Variants in ZNF609 observed in about 807,000 individuals in gnomAD.
The protein encoded by ZNF609 is zinc finger protein 609.
In ZNF609, 11 loss-of-function variants were observed where a neutral mutation model predicts 109.5. The observed-to-expected ratio is 0.10, with a 90% CI of 0.06 to 0.17. The LOEUF is 0.17. Ranked by LOEUF, ZNF609 falls within the 10% of genes least tolerant of loss-of-function variation. The pLI, the probability that ZNF609 is intolerant of heterozygous loss-of-function variation, is 1.00. For synonymous variants in ZNF609, 646 were observed against 662.0 expected (o/e 0.98, Z 0.37); for missense variants, 1,559 against 1,772.4 (o/e 0.88, Z 2.16).
At chr15:64,551,985 CAA>C (rs35698512) in intron 2 of ZNF609, among the ~76,000 whole-genome samples, 27 of 93,446 alleles carry the variant, frequency 2.9e-4, no homozygotes, top group African/African-American at 6.9e-4. Context: ...GACTCTGTCT[CAA>C]AAAAAAAAAA....
rs187192250 is a variant in ZNF609, at chr15:64,490,714, T to G, written c.-127-8579T>G. Reference sequence around the variant, plus strand: ...AATCTCTAAAGGGTCAGGACTGAATTATTTACATATTCAGGATACCATTTA... The same window carrying G: ...AATCTCTAAAGGGTCAGGACTGAATGATTTACATATTCAGGATACCATTTA... On this transcript the variant is annotated intron_variant, in intron 1 of 9. Transcript: ENST00000326648. Among the ~76,000 whole-genome samples the G allele has an allele frequency of 2.0e-3, 299 of 152,348 alleles. 5 individuals carry two copies. Among genetic ancestry groups the G allele is most frequent in the Admixed American group, 0.015 (236 of 15,302 alleles).
intron 8 of ZNF609, 52 bp downstream of exon 8, chr15:64,680,914 A>G (rs753368320): frequency 7.5e-6 from 12 of 1,589,432 alleles, no homozygotes; most frequent in African/African-American, 1.3e-5. Flanking sequence ...TGTTTTGTTT[A>G]TCTTCATCCC....
Position 64,675,531 on chromosome 15 carries a change from C to G in ZNF609, c.2677C>G (p.Gln893Glu). 6.2e-7 allele frequency: 1 copy of G among 1,614,112 alleles called. No homozygotes were observed. The highest frequency in any genetic ancestry group is 2.2e-5 in the East Asian group (1 of 44,888). The change falls in exon 5 of 10, where the codon CAA becomes GAA. Residue 893 changes from glutamine to glutamate, a missense_variant. Transcript: ENST00000326648. ...QPQSKDSPYY[Q>E]GFESYYSPSY... is the part of the protein sequence containing the mutation. ...TCAGAGCAAAGACTCACCATATTAC[C>G]AAGGCTTTGAGAGTTACTATTCTCC...
chr15:64,614,133 C>T (rs1895761022), intron 2 of ZNF609, among the ~76,000 whole-genome samples: 1 of 151,730 alleles, frequency 6.6e-6, no homozygotes, highest in Non-Finnish European at 1.5e-5. Context: ...GTTGGCCGGG[C>T]TACTCTCGAA....
At chr15:64,467,169 C>T (rs542828199) in intron 1 of ZNF609, among the ~76,000 whole-genome samples, 1 of 152,326 alleles carries the variant, frequency 6.6e-6, no homozygotes, top group East Asian at 1.9e-4. Flanking sequence ...GGATTTTTCT[C>T]TTGTCTCTGT....
intron 2 of ZNF609, among the ~76,000 whole-genome samples, chr15:64,577,090 A>ATC (rs1567019151): frequency 2.9e-5 from 1 of 35,022 alleles, no homozygotes; most frequent in Non-Finnish European, 8.8e-5. Flanking sequence ...ATATACATAT[A>ATC]TGTATATATA....
chr15:64,676,372 G>A, intron 5 of ZNF609, 116 bp downstream of exon 5: 2 of 890,676 alleles, frequency 2.2e-6, no homozygotes, highest in Non-Finnish European at 3.3e-6. Context: ...CAGGAGAGAT[G>A]TATAATTTTA....
intron 3 of ZNF609, among the ~76,000 whole-genome samples, chr15:64,628,059 G>A (rs1298764146): frequency 1.3e-5 from 2 of 151,566 alleles, no homozygotes; most frequent in African/African-American, 4.8e-5. Flanking sequence ...GATCACTTGA[G>A]CCCAGGAGTT....
At position 64,500,041 on chromosome 15, in the gene ZNF609, G is replaced by T; in HGVS notation, c.622G>T (p.Ala208Ser). The stretch of plus-strand genomic sequence containing the variant: ...TGGAAGTGCAGGGGTGGATACAGGA[G>T]CTGTGGAGCCACTTGGGAGTATAGC... ...YDGSAGVDTG[A>S]VEPLGSIAIE... Residue 208 changes from alanine (A) to serine (S), a missense_variant, in exon 2 of 10, where the codon GCT becomes TCT. Transcript: ENST00000326648. The T allele has an allele frequency of 6.2e-7, 1 of 1,614,200 alleles. No individual in the cohort carries two copies. The highest frequency in any genetic ancestry group is 1.1e-5 in the South Asian group (1 of 91,086).
intron 1 of ZNF609, among the ~76,000 whole-genome samples, chr15:64,467,080 C>T (rs35685348): frequency 0.1 from 15,859 of 152,198 alleles, 2,121 homozygotes; most frequent in East Asian, 0.78. Flanking sequence ...GCTGTTTGTT[C>T]TTGGATCAGA....
At chr15:64,666,287 G>C (rs1165218481) in intron 3 of ZNF609, among the ~76,000 whole-genome samples, 4 of 145,088 alleles carry the variant, frequency 2.8e-5, no homozygotes, top group African/African-American at 1.0e-4. Flanking sequence ...CCAGCTACTT[G>C]GGAGGCTGAG....
chr15:64,518,856 AGGG>A (rs1893851991), intron 2 of ZNF609, among the ~76,000 whole-genome samples: 1 of 152,006 alleles, frequency 6.6e-6, no homozygotes. Flanking sequence ...AACACTGAAA[AGGG>A]GCAAGTTTGC....
At chr15:64,566,276 G>A (rs1894776611) in intron 2 of ZNF609, among the ~76,000 whole-genome samples, 1 of 152,204 alleles carries the variant, frequency 6.6e-6, no homozygotes, top group Admixed American at 6.5e-5. Context: ...ACTGTAGTGA[G>A]CCATGATCAT....
At chr15:64,550,448 C>T (rs555100680) in intron 2 of ZNF609, among the ~76,000 whole-genome samples, 1 of 152,084 alleles carries the variant, frequency 6.6e-6, no homozygotes, top group Non-Finnish European at 1.5e-5. Flanking sequence ...AATCCCAGCA[C>T]TCTGGGAAGC....
At chr15:64,642,353 T>C (rs1237373851) in intron 3 of ZNF609, among the ~76,000 whole-genome samples, 2 of 151,936 alleles carry the variant, frequency 1.3e-5, no homozygotes, top group Admixed American at 6.6e-5. Context: ...CTGGCTAACT[T>C]TTTTTTTCTT....
chr15:64,654,614 T>C (rs1896463484), intron 3 of ZNF609, among the ~76,000 whole-genome samples: 1 of 152,212 alleles, frequency 6.6e-6, no homozygotes, highest in South Asian at 2.1e-4. Context: ...TGCGTGTGTT[T>C]ATCTCAACTG....
In ZNF609 at chr15:64,584,182, C is replaced by G. The variant is rs1283798449; in HGVS notation, c.748-38645C>G. ...TTGTGCCTTTTAAGAGGGTTCCCTG[C>G]TGATCAGAACTAGGATCTCTGACTC... On this transcript the variant is annotated intron_variant, in intron 2 of 9. Transcript: ENST00000326648. Among the ~76,000 whole-genome samples, 7 of 152,286 alleles carry G rather than the reference C, an allele frequency of 4.6e-5. No homozygotes were observed. In the South Asian group the frequency reaches 1.0e-3, roughly 23 times the overall value.
At chr15:64,681,186 T>G in intron 8 of ZNF609, 123 bp from the exon 9 acceptor site, 1 of 852,174 alleles carries the variant, frequency 1.2e-6, no homozygotes, top group Non-Finnish European at 1.9e-6. Flanking sequence ...ATTATCTATC[T>G]CCAGCAAATA....
At chr15:64,526,993 A>G (rs2140368650) in intron 2 of ZNF609, among the ~76,000 whole-genome samples, 1 of 152,104 alleles carries the variant, frequency 6.6e-6, no homozygotes, top group Non-Finnish European at 1.5e-5. Flanking sequence ...GTAGTTAGAG[A>G]TTTTAAATTA....
Sources: allele counts gnomAD v4.1 joint callset (sites outside exome capture counted in the v4.1 genomes callset), GRCh38; gene constraint gnomAD v4.1.1; transcripts MANE v1.5; gene names NCBI Gene and HGNC (gene_info 2026-07-23, HGNC 2026-07-21).